PPP1R16B: variants seen among roughly 807,000 people sequenced by gnomAD.
PPP1R16B encodes the protein protein phosphatase 1 regulatory subunit 16B, also known as protein phosphatase 1 regulatory inhibitor subunit 16B.
In PPP1R16B, 14 loss-of-function variants were observed where a neutral mutation model predicts 61.7. The observed-to-expected ratio is 0.23, with a 90% CI of 0.15 to 0.35. The LOEUF (loss-of-function observed/expected upper bound fraction) is 0.35, where lower values mean the gene tolerates loss of function less well. PPP1R16B is among the 10% of genes least tolerant of loss of function. The pLI, the probability that PPP1R16B is intolerant of heterozygous loss-of-function variation, is 1.00. For missense variants in PPP1R16B, 547 were observed against 752.5 expected (o/e 0.73, Z 3.19); for synonymous variants, 266 against 305.3 (o/e 0.87, Z 1.34).
intron 2 of PPP1R16B, among the ~76,000 whole-genome samples, chr20:38,854,957 G>A (rs550591489): frequency 2.0e-5 from 3 of 152,240 alleles, no homozygotes; most frequent in African/African-American, 7.2e-5. Flanking sequence ...TCACATAAAA[G>A]TATTCTTATT....
At chr20:38,869,926 AT>A (rs879259446) in intron 2 of PPP1R16B, among the ~76,000 whole-genome samples, 2,805 of 145,724 alleles carry the variant, frequency 0.019, 30 homozygotes, top group Middle Eastern at 0.033. Flanking sequence ...TTATTTATTT[AT>A]TTTTTTTTTT....
rs374424712 is a variant in PPP1R16B, at chr20:38,870,998, C to T, written c.251-18597C>T. Among the ~76,000 whole-genome samples the T allele has an allele frequency of 7.7e-4, 118 of 152,298 alleles. 1 individual carries two copies. In the South Asian group the frequency reaches 0.014, roughly 18 times the overall value. On this transcript the variant is annotated intron_variant, in intron 2 of 10. Transcript: ENST00000299824. ...CCTGGGCCCCAGTTTACCGCAGCTG[C>T]ACCTTTAAACAGGGCTCGGATGCCT...
chr20:38,917,422 A>T (rs1417086963), intron 10 of PPP1R16B, among the ~76,000 whole-genome samples: 3 of 151,880 alleles, frequency 2.0e-5, no homozygotes, highest in Non-Finnish European at 4.4e-5. Flanking sequence ...TTCCCTGTTC[A>T]TGGTGATTTT....
At chr20:38,864,733 C>T (rs1375613356) in intron 2 of PPP1R16B, among the ~76,000 whole-genome samples, 1 of 152,196 alleles carries the variant, frequency 6.6e-6, no homozygotes, top group Non-Finnish European at 1.5e-5. Flanking sequence ...ACAGAGGGAT[C>T]TGCCAGGACT....
At chr20:38,886,935 A>G (rs2085249174) in intron 2 of PPP1R16B, among the ~76,000 whole-genome samples, 1 of 152,238 alleles carries the variant, frequency 6.6e-6, no homozygotes, top group South Asian at 2.1e-4. Flanking sequence ...GCCCATAATT[A>G]GTTATATAAT....
chr20:38,886,906 A>G (rs948430326), intron 2 of PPP1R16B, among the ~76,000 whole-genome samples: 4 of 152,246 alleles, frequency 2.6e-5, no homozygotes, highest in Non-Finnish European at 5.9e-5. Context: ...TTAGTGTCCA[A>G]TGGGCAGATA....
intron 2 of PPP1R16B, among the ~76,000 whole-genome samples, chr20:38,855,978 A>AAGAAGGAGGAGGAGGAGGAGGAGGAGGAG (rs1265586618): frequency 3.4e-5 from 1 of 29,754 alleles, no homozygotes; most frequent in African/African-American, 2.3e-4. Context: ...AGAGAGAGAG[A>AAGAAGGAGGAGGAGGAGGAGGAGGAGGAG]GAGAAGGAGG....
chr20:38,873,031 T>G (rs1354547775), intron 2 of PPP1R16B: 1 of 152,236 alleles, frequency 6.6e-6, no homozygotes, highest in Non-Finnish European at 1.5e-5. Flanking sequence ...GGACAGGGGT[T>G]TCCACCTCCG....
In PPP1R16B at chr20:38,817,819, C is replaced by T. The variant is rs372652357; in HGVS notation, c.-102+12027C>T. Among the ~76,000 whole-genome samples the T allele has an allele frequency of 1.1e-4, 17 of 152,158 alleles. No homozygotes were observed. In the East Asian group the frequency reaches 2.7e-3, roughly 24 times the overall value. Reference sequence around the variant, plus strand: ...CAGCACTTTGGGAGGCCGAGGCGGGCGGATCACGAGGTCAGGAGATCGAGA... The same window carrying T: ...CAGCACTTTGGGAGGCCGAGGCGGGTGGATCACGAGGTCAGGAGATCGAGA... On this transcript the variant is annotated intron_variant, in intron 1 of 10. Transcript: ENST00000299824.
intron 1 of PPP1R16B, among the ~76,000 whole-genome samples, chr20:38,833,187 G>GA (rs2084848826): frequency 1.3e-5 from 2 of 152,156 alleles, no homozygotes; most frequent in Non-Finnish European, 2.9e-5. Flanking sequence ...GATGCTGGGT[G>GA]AAAAAAGCCA....
rs1030717752 is a variant in PPP1R16B, at chr20:38,806,536, C to T, written c.-102+744C>T. ...ATCGATTCCGGCCCAGAGGAGCGCCCCCGGGCGCCGAGGATGGGCGGAGAC... is the reference window on the plus strand; with the variant it reads ...ATCGATTCCGGCCCAGAGGAGCGCCTCCGGGCGCCGAGGATGGGCGGAGAC... On this transcript the variant is annotated intron_variant, in intron 1 of 10. Coordinates refer to ENST00000299824, the MANE Select transcript of PPP1R16B (RefSeq NM_015568.4). This position sits in a 1 kb window ranked among gnomAD's most constrained non-coding sequence, Gnocchi z 4.5. Among the ~76,000 whole-genome samples the T allele has an allele frequency of 6.6e-6, 1 of 152,112 alleles. No individual in the cohort carries two copies. Among genetic ancestry groups the T allele is most frequent in the African/African-American group, 2.4e-5 (1 of 41,454 alleles).
chr20:38,868,718 A>C (rs2085106487), intron 2 of PPP1R16B, among the ~76,000 whole-genome samples: 1 of 152,130 alleles, frequency 6.6e-6, no homozygotes, highest in Non-Finnish European at 1.5e-5. Flanking sequence ...CACCAATTGG[A>C]TCCAGATTTT....
In PPP1R16B at chr20:38,895,527, C is replaced by T. The variant is rs117084948; in HGVS notation, c.322-38C>T. On this transcript the variant is annotated intron_variant, in intron 3 of 10. Transcript: ENST00000299824. ...CTGACCAGGGCCCGGGGCCCAGTGC[C>T]CTGCCTGGAGCTGACTCTGCCTGTG... 9.0e-5 allele frequency: 144 copies of T among 1,607,078 alleles called. No homozygotes were observed. In the East Asian group the frequency reaches 2.8e-3, roughly 31 times the overall value.
Position 38,894,832 on chromosome 20 carries a change from G to A in PPP1R16B, c.322-733G>A, listed in dbSNP as rs537095193. Among the ~76,000 whole-genome samples the A allele has an allele frequency of 9.2e-5, 14 of 152,314 alleles. 1 individual carries two copies. The South Asian group carries it at 2.9e-3, about 32-fold the overall frequency. On this transcript the variant is annotated intron_variant, in intron 3 of 10. Coordinates refer to ENST00000299824, the MANE Select transcript of PPP1R16B (RefSeq NM_015568.4). ...CTGGGGGCCACCTGTGTTGGAGCCT[G>A]CGTTCTCTCTAGGAGGCTGCAGGCT...
chr20:38,913,921 G>T (rs1267460140), intron 10 of PPP1R16B, among the ~76,000 whole-genome samples: 1 of 152,358 alleles, frequency 6.6e-6, no homozygotes, highest in East Asian at 1.9e-4. Context: ...GCTGGGCGCA[G>T]TGGCTCACGC....
intron 2 of PPP1R16B, among the ~76,000 whole-genome samples, chr20:38,857,160 C>T (rs183032264): frequency 1.3e-5 from 2 of 152,174 alleles, no homozygotes; most frequent in African/African-American, 4.8e-5. Flanking sequence ...TGCACTGAGA[C>T]ATTTATAGTC....
At chr20:38,877,891 C>G (rs1365771458) in intron 2 of PPP1R16B, among the ~76,000 whole-genome samples, 1 of 149,250 alleles carries the variant, frequency 6.7e-6, no homozygotes, top group Non-Finnish European at 1.5e-5. Context: ...TTTGAACATT[C>G]CTTTAATTTT....
intron 2 of PPP1R16B, among the ~76,000 whole-genome samples, chr20:38,882,750 A>G (rs1374691710): frequency 6.6e-6 from 1 of 152,170 alleles, no homozygotes; most frequent in East Asian, 1.9e-4. Context: ...GGGGAAGCTC[A>G]ATGGAGATTA....
chr20:38,851,531 A>G (rs1267296614), intron 2 of PPP1R16B, among the ~76,000 whole-genome samples: 6 of 152,144 alleles, frequency 3.9e-5, no homozygotes, highest in African/African-American at 1.2e-4. Context: ...TTAAATTACA[A>G]CAAAATGTGA....
Sources: gnomAD v4.1 joint callset for allele counts (sites outside exome capture counted in the v4.1 genomes callset) on GRCh38, gnomAD v4.1.1 for gene constraint, Gnocchi (gnomAD v3.1) non-coding constraint, MANE v1.5 for transcripts, NCBI Gene and HGNC (gene_info 2026-07-23, HGNC 2026-07-21) for gene names.